PCDH9: variants seen among roughly 807,000 people sequenced by gnomAD.
PCDH9 encodes the protein protocadherin-9.
In PCDH9, 24 loss-of-function variants were observed where a neutral mutation model predicts 70.6. The observed-to-expected ratio is 0.34, with a 90% CI of 0.25 to 0.48. The LOEUF is 0.48. PCDH9 is among the 20% of genes least tolerant of loss of function. PCDH9 has a pLI of 0.99. For synonymous variants in PCDH9, 562 were observed against 558.5 expected (o/e 1.01, Z -0.09); for missense variants, 1,281 against 1,503.6 (o/e 0.85, Z 2.45).
intron 3 of PCDH9, among the ~76,000 whole-genome samples, chr13:66,730,897 T>TTTTTTTTTG (rs1555262885): frequency 7.7e-6 from 1 of 129,096 alleles, no homozygotes; most frequent in Non-Finnish European, 1.6e-5. Context: ...GTTTGTTTCT[T>TTTTTTTTTG]TTTTTTTGTG....
At chr13:66,491,982 G>A (rs956226076) in intron 4 of PCDH9, among the ~76,000 whole-genome samples, 1 of 152,032 alleles carries the variant, frequency 6.6e-6, no homozygotes, top group Admixed American at 6.6e-5. Flanking sequence ...TATGTGCATG[G>A]CATTCCCCTG....
chr13:67,121,957 T>C (rs1033814600), intron 2 of PCDH9, among the ~76,000 whole-genome samples: 1 of 152,214 alleles, frequency 6.6e-6, no homozygotes, highest in African/African-American at 2.4e-5. Context: ...TACACATATC[T>C]ATTTTAAAGT....
chr13:66,671,655 C>T (rs1426312946), intron 3 of PCDH9, among the ~76,000 whole-genome samples: 1 of 152,088 alleles, frequency 6.6e-6, no homozygotes, highest in African/African-American at 2.4e-5. Flanking sequence ...TGCCCCTGCC[C>T]TAGAAATCTG....
At chr13:66,422,660 T>C (rs1331716259) in intron 4 of PCDH9, among the ~76,000 whole-genome samples, 3 of 152,022 alleles carry the variant, frequency 2.0e-5, no homozygotes, top group Admixed American at 2.0e-4. Flanking sequence ...AAAGCAGTGT[T>C]CAGAGGGAAA....
intron 4 of PCDH9, among the ~76,000 whole-genome samples, chr13:66,488,254 G>T (rs778172801): frequency 6.6e-6 from 1 of 152,064 alleles, no homozygotes; most frequent in Non-Finnish European, 1.5e-5. Flanking sequence ...AATACAAAAC[G>T]ACCTAATGAC....
chr13:67,173,231 T>C (rs1049635871), intron 2 of PCDH9, among the ~76,000 whole-genome samples: 8 of 152,148 alleles, frequency 5.3e-5, no homozygotes, highest in Non-Finnish European at 7.3e-5. Context: ...ATTTTCCCTG[T>C]AGTAATCTTG....
intron 3 of PCDH9, among the ~76,000 whole-genome samples, chr13:66,745,197 C>G (rs961326637): frequency 1.6e-4 from 25 of 151,992 alleles, no homozygotes; most frequent in Admixed American, 5.2e-4. Context: ...AAATCACTAC[C>G]GAGTATTGTT....
chr13:66,894,893 C>T (rs898023435), intron 3 of PCDH9, among the ~76,000 whole-genome samples: 6 of 151,934 alleles, frequency 3.9e-5, no homozygotes, highest in East Asian at 1.9e-4. Context: ...CTGCAACCTC[C>T]GACTCCTGGG....
intron 3 of PCDH9, chr13:66,859,242 G>C (rs769509221): frequency 6.6e-6 from 1 of 151,890 alleles, no homozygotes; most frequent in Non-Finnish European, 1.5e-5. Flanking sequence ...TTCTATTTGC[G>C]GGACACTCGA....
At chr13:66,974,464 G>A (rs554142757) in intron 2 of PCDH9, among the ~76,000 whole-genome samples, 2 of 152,044 alleles carry the variant, frequency 1.3e-5, no homozygotes, top group African/African-American at 4.8e-5. Flanking sequence ...GCCTCCATCT[G>A]TACAGAAATT....
At chr13:66,547,179 GC>G (rs1286212896) in intron 4 of PCDH9, among the ~76,000 whole-genome samples, 4 of 152,120 alleles carry the variant, frequency 2.6e-5, no homozygotes, top group Non-Finnish European at 5.9e-5. Flanking sequence ...TGTAATGTCA[GC>G]AGTATTTGCT....
At chr13:66,580,239 T>C (rs2076871841) in intron 4 of PCDH9, among the ~76,000 whole-genome samples, 1 of 152,060 alleles carries the variant, frequency 6.6e-6, no homozygotes, top group South Asian at 2.1e-4. Flanking sequence ...ACTTAAAACA[T>C]CTTTGTTAAA....
chr13:67,219,106 A>T (rs2089670538), intron 2 of PCDH9: 1 of 152,050 alleles, frequency 6.6e-6, no homozygotes, highest in Admixed American at 6.6e-5. Context: ...TGTCTATAGG[A>T]CAAAAATATG....
chr13:66,437,778 C>T (rs921879367), intron 4 of PCDH9, among the ~76,000 whole-genome samples: 11 of 152,116 alleles, frequency 7.2e-5, no homozygotes, highest in South Asian at 4.2e-4. Context: ...TCTTATGCCC[C>T]GCAATTCCAC....
chr13:67,170,916 C>T (rs1259050083), intron 2 of PCDH9, among the ~76,000 whole-genome samples: 2 of 152,078 alleles, frequency 1.3e-5, no homozygotes, highest in Admixed American at 1.3e-4. Flanking sequence ...CAGAGAAAGA[C>T]TCTGTCTCAA....
At chr13:66,306,849 AT>A (rs1374692181) in intron 4 of PCDH9, among the ~76,000 whole-genome samples, 1 of 152,002 alleles carries the variant, frequency 6.6e-6, no homozygotes, top group Non-Finnish European at 1.5e-5. Flanking sequence ...ATCTGGCCAC[AT>A]TTTAAAAGTT....
intron 3 of PCDH9, among the ~76,000 whole-genome samples, chr13:66,858,004 G>T (rs2139472263): frequency 6.6e-6 from 1 of 152,236 alleles, no homozygotes; most frequent in Middle Eastern, 3.4e-3. Context: ...CTATCAAAGT[G>T]CTGGGATGAC....
At chr13:66,452,556 G>A (rs927725626) in intron 4 of PCDH9, among the ~76,000 whole-genome samples, 5 of 151,852 alleles carry the variant, frequency 3.3e-5, no homozygotes, top group Non-Finnish European at 5.9e-5. Flanking sequence ...CACTTCTTTG[G>A]TTCATGACCT....
intron 3 of PCDH9, among the ~76,000 whole-genome samples, chr13:66,639,272 G>A (rs2077679069): frequency 6.6e-6 from 1 of 152,232 alleles, no homozygotes; most frequent in South Asian, 2.1e-4. Context: ...ATGCTTAGTT[G>A]TGGAGACTTG....
Sources: gnomAD v4.1 joint callset for allele counts (sites outside exome capture counted in the v4.1 genomes callset) on GRCh38, gnomAD v4.1.1 for gene constraint, MANE v1.5 for transcripts, NCBI Gene and HGNC (gene_info 2026-07-23, HGNC 2026-07-21) for gene names.